LPP: variants seen among roughly 807,000 people sequenced by gnomAD.
The protein encoded by LPP is LIM domain containing preferred translocation partner in lipoma, also known as lipoma-preferred partner.
Under a neutral mutation model 60.4 loss-of-function variants are expected in LPP, and 38 were observed. The ratio of observed to expected loss-of-function variants is 0.63; its 90% CI spans 0.49 to 0.83. The LOEUF is 0.83. LPP is among the 40% of genes least tolerant of loss of function. LPP has a pLI of 0.00. For synonymous variants in LPP, 328 were observed against 290.8 expected (o/e 1.13, Z -1.30); for missense variants, 902 against 783.6 (o/e 1.15, Z -1.80).
chr3:188,427,699 TTGTTTACAC>T (rs979727050), intron 4 of LPP, among the ~76,000 whole-genome samples: 1 of 152,134 alleles, frequency 6.6e-6, no homozygotes, highest in Non-Finnish European at 1.5e-5. Flanking sequence ...CCTGGGGGCT[TTGTTTACAC>T]TGTGATGGGA....
chr3:188,811,542 G>C (rs1393442177), intron 9 of LPP, among the ~76,000 whole-genome samples: 1 of 152,086 alleles, frequency 6.6e-6, no homozygotes, highest in African/African-American at 2.4e-5. Flanking sequence ...TGTTAGGAAA[G>C]AAACCTATGG....
At chr3:188,251,261 C>T (rs1223504559) in intron 2 of LPP, among the ~76,000 whole-genome samples, 1 of 151,418 alleles carries the variant, frequency 6.6e-6, no homozygotes, top group African/African-American at 2.4e-5. Context: ...CTCCTGTGTC[C>T]TTGAGACATG....
intron 3 of LPP, among the ~76,000 whole-genome samples, chr3:188,362,462 C>G (rs1769747045): frequency 6.6e-6 from 1 of 152,160 alleles, no homozygotes. Flanking sequence ...CGTTGCCTTA[C>G]TCTCACTGCC....
rs925450800 is a variant in LPP, at chr3:188,563,723, T to G, written c.429+38936T>G. Among the ~76,000 whole-genome samples the G allele has an allele frequency of 2.6e-5, 3 of 116,046 alleles. No individual in the cohort carries two copies. In the East Asian group the frequency reaches 5.9e-4, roughly 23 times the overall value. The allele number at this position is 116,046 out of a possible 152,430, so 76.1% of individuals were successfully genotyped here. A position where few individuals can be genotyped will look rare whatever the true frequency, so the allele number is the denominator to read the frequency against. On this transcript the variant is annotated intron_variant, in intron 6 of 11. Coordinates refer to ENST00000617246, the MANE Select transcript of LPP (RefSeq NM_001375462.1). Reference sequence around the variant, plus strand: ...CCAGAATTGGAATTGCTTGTGTTTTTTTTTGTTTTTTTTTTGTTTTTTTGA... The same window carrying G: ...CCAGAATTGGAATTGCTTGTGTTTTGTTTTGTTTTTTTTTTGTTTTTTTGA...
At chr3:188,859,856 T>G (rs1447911760) in intron 9 of LPP, among the ~76,000 whole-genome samples, 2 of 152,206 alleles carry the variant, frequency 1.3e-5, no homozygotes, top group East Asian at 3.8e-4. Flanking sequence ...TTTGATGCTA[T>G]CTATTAAATT....
intron 1 of LPP, among the ~76,000 whole-genome samples, chr3:188,183,784 A>G (rs749480774): frequency 2.0e-5 from 3 of 152,248 alleles, no homozygotes; most frequent in East Asian, 1.9e-4. Context: ...ATGGCCTCCC[A>G]TAAGTGGCAA....
intron 9 of LPP, among the ~76,000 whole-genome samples, chr3:188,795,305 AT>A (rs2151074157): frequency 6.6e-6 from 1 of 152,304 alleles, no homozygotes; most frequent in Admixed American, 6.5e-5. Flanking sequence ...ACATTTTTAA[AT>A]CTCAGGGATT....
At chr3:188,315,621 C>G (rs1754804346) in intron 2 of LPP, among the ~76,000 whole-genome samples, 1 of 152,124 alleles carries the variant, frequency 6.6e-6, no homozygotes, top group African/African-American at 2.4e-5. Context: ...CTTAAAATCC[C>G]AGACCCATTA....
At chr3:188,484,752 T>A in intron 5 of LPP, 48 bp downstream of exon 5, 1 of 1,397,718 alleles carries the variant, frequency 7.2e-7, no homozygotes, top group Non-Finnish European at 1.0e-6. Context: ...GAAGTTAAAG[T>A]CATGTTTATA....
intron 6 of LPP, among the ~76,000 whole-genome samples, chr3:188,603,634 G>C (rs1344346531): frequency 6.6e-6 from 1 of 152,054 alleles, no homozygotes; most frequent in East Asian, 1.9e-4. Flanking sequence ...ATAAATGTTT[G>C]CTATTATTAC....
chr3:188,744,170 A>C (rs1176113269), intron 8 of LPP, among the ~76,000 whole-genome samples: 1 of 152,174 alleles, frequency 6.6e-6, no homozygotes, highest in Non-Finnish European at 1.5e-5. Context: ...ACGTGTACAC[A>C]AAGGTGTATA....
chr3:188,791,337 G>T (rs548739158), intron 9 of LPP, among the ~76,000 whole-genome samples: 1 of 152,268 alleles, frequency 6.6e-6, no homozygotes. Flanking sequence ...ACCTCATTCT[G>T]TTGCTTCCCT....
At chr3:188,782,045 G>A (rs1739952874) in intron 9 of LPP, among the ~76,000 whole-genome samples, 1 of 152,078 alleles carries the variant, frequency 6.6e-6, no homozygotes, top group Non-Finnish European at 1.5e-5. Context: ...CACAGAAAAA[G>A]GACATCTTTT....
chr3:188,568,234 T>C (rs1832662337), intron 6 of LPP: 1 of 151,984 alleles, frequency 6.6e-6, no homozygotes, highest in Admixed American at 6.6e-5. Context: ...GAGCAACTTG[T>C]AGGTTTCAGG....
chr3:188,472,174 G>A (rs1019728189), intron 4 of LPP, among the ~76,000 whole-genome samples: 50 of 152,206 alleles, frequency 3.3e-4, no homozygotes, highest in African/African-American at 1.2e-3. Context: ...AAAATTAGAT[G>A]AATTGGCCCT....
intron 1 of LPP, among the ~76,000 whole-genome samples, chr3:188,200,973 G>GA (rs1324708811): frequency 3.9e-5 from 6 of 152,066 alleles, no homozygotes; most frequent in African/African-American, 1.4e-4. Context: ...TTAATACCCT[G>GA]AAAAAACAGG....
rs537923959 is a variant in LPP at position 188,579,909 on chromosome 3, G to C, written c.430-29252G>C. Among the ~76,000 whole-genome samples, 18 of 152,030 alleles carry C rather than the reference G, an allele frequency of 1.2e-4. No individual in the cohort carries two copies. The South Asian group carries it at 3.3e-3, about 28-fold the overall frequency. On this transcript the variant is annotated intron_variant, in intron 6 of 11. Coordinates refer to ENST00000617246, the MANE Select transcript of LPP (RefSeq NM_001375462.1). ...GGGGGTGGGCTGAGGTAGGAGGCTT[G>C]CTTGAGCCCAGGAGGTAGGAGGTCA...
chr3:188,171,714 G>A (rs182676485), intron 1 of LPP, among the ~76,000 whole-genome samples: 52 of 152,358 alleles, frequency 3.4e-4, no homozygotes, highest in African/African-American at 9.4e-4. Context: ...AACAGTCCAT[G>A]AGGTATATTA....
intron 5 of LPP, among the ~76,000 whole-genome samples, chr3:188,512,032 C>A (rs549365070): frequency 6.6e-6 from 1 of 152,130 alleles, no homozygotes; most frequent in African/African-American, 2.4e-5. Context: ...CTACTTCAGC[C>A]CCTTCACTAT....
Sources: allele counts gnomAD v4.1 joint callset (sites outside exome capture counted in the v4.1 genomes callset), GRCh38; gene constraint gnomAD v4.1.1; transcripts MANE v1.5; gene names NCBI Gene and HGNC (gene_info 2026-07-23, HGNC 2026-07-21).